The following NOS1AP variants were observed in gnomAD, a reference collection of about 807,000 sequenced individuals.
NOS1AP encodes nitric oxide synthase 1 adaptor protein.
NOS1AP carries 21 observed loss-of-function variants against 56.2 expected under a neutral mutation model. That is an observed-to-expected ratio of 0.37 (90% confidence interval 0.26 to 0.54). The LOEUF (loss-of-function observed/expected upper bound fraction) is 0.54. NOS1AP is among the 20% of genes least tolerant of loss of function. The probability of loss-of-function intolerance (pLI) is 0.84; values close to 1 mark genes in which losing one functional copy is unlikely to be tolerated. For synonymous variants in NOS1AP, 270 were observed against 274.6 expected, an observed-to-expected ratio of 0.98 and a Z score of 0.17; for missense variants, 522 against 657.8, an observed-to-expected ratio of 0.79 and a Z score of 2.26.
chr1:162,297,361 C>A (rs978054207), intron 3 of NOS1AP, among the ~76,000 whole-genome samples: 8 of 152,190 alleles, frequency 5.3e-5, no homozygotes, highest in Admixed American at 5.2e-4. Flanking sequence ...TGCTGATGCC[C>A]CACCAAGTGT....
chr1:162,285,375 G>A (rs1455611998), intron 2 of NOS1AP, among the ~76,000 whole-genome samples: 2 of 152,186 alleles, frequency 1.3e-5, no homozygotes, highest in South Asian at 2.1e-4. Context: ...AAAGTCAGCC[G>A]ACTTGCAGAT....
rs1028563572 is a variant in NOS1AP, at chr1:162,166,935, C to T, written c.177+12459C>T. Reference sequence around the variant, plus strand: ...GGTGGAAGCTCCTCGCCTACTAATGCGGGTGCCCTGTGGCTGAATCTGGTG... The same window carrying T: ...GGTGGAAGCTCCTCGCCTACTAATGTGGGTGCCCTGTGGCTGAATCTGGTG... On this transcript the variant is annotated intron_variant, in intron 2 of 9. Coordinates refer to ENST00000361897, the MANE Select transcript of NOS1AP (RefSeq NM_014697.3). 7.9e-5 allele frequency among the ~76,000 whole-genome samples: 12 copies of T among 152,288 alleles called. No individual in the cohort carries two copies. The South Asian group carries it at 2.1e-3, about 26-fold the overall frequency.
intron 1 of NOS1AP, among the ~76,000 whole-genome samples, chr1:162,112,165 T>C (rs1023184701): frequency 6.6e-6 from 1 of 152,240 alleles, no homozygotes; most frequent in African/African-American, 2.4e-5. Flanking sequence ...ATCACACTTC[T>C]CAGATCTGCC....
chr1:162,291,571 G>A (rs1433076853), intron 3 of NOS1AP, among the ~76,000 whole-genome samples: 1 of 152,032 alleles, frequency 6.6e-6, no homozygotes, highest in Non-Finnish European at 1.5e-5. Flanking sequence ...ATTAATTGTA[G>A]GATTTGTTCA....
intron 2 of NOS1AP, among the ~76,000 whole-genome samples, chr1:162,250,462 T>C (rs951713541): frequency 1.3e-5 from 2 of 152,212 alleles, no homozygotes; most frequent in African/African-American, 4.8e-5. Flanking sequence ...GGCGAATCCA[T>C]TTCATTCATA....
At chr1:162,355,142 T>C (rs776450499) in intron 6 of NOS1AP, 45 bp from the exon 7 acceptor site, 1 of 1,609,252 alleles carries the variant, frequency 6.2e-7, no homozygotes, top group Non-Finnish European at 8.5e-7. Flanking sequence ...GACTTTGTTC[T>C]CGGTGTTTTC....
Position 162,070,101 on chromosome 1 carries a change from G to C in NOS1AP, c.-77G>C. On this transcript the variant is annotated 5_prime_UTR_variant, in exon 1 of 10. Transcript: ENST00000361897. ...CCACGCGTCGCCGCGCCCAGCTCCA[G>C]TCTCCCCTCCCCGGGGTCTCGCCAG... The C allele has an allele frequency of 8.3e-7, 1 of 1,211,970 alleles. No homozygotes were observed. The highest frequency in any genetic ancestry group is 1.2e-6 in the Non-Finnish European group (1 of 822,426). 75.1% of individuals were successfully genotyped at this position (1,211,970 alleles called of 1,614,324 possible). A position where few individuals can be genotyped will look rare whatever the true frequency, so the allele number is the denominator to read the frequency against.
Position 162,187,007 on chromosome 1 carries a change from C to A in NOS1AP, c.177+32531C>A, listed in dbSNP as rs114885200. ...TTTGAGACAGGGTCTCACTTTGTCA[C>A]CCAGGCTGTAGTGGAGTGACCTGAT... On this transcript the variant is annotated intron_variant, in intron 2 of 9. Coordinates refer to ENST00000361897, the MANE Select transcript of NOS1AP (RefSeq NM_014697.3). Among the ~76,000 whole-genome samples the A allele has an allele frequency of 2.4e-3, 359 of 152,162 alleles. 3 individuals are homozygous for A. The highest frequency in any genetic ancestry group is 8.0e-3 in the African/African-American group (334 of 41,492).
intron 2 of NOS1AP, among the ~76,000 whole-genome samples, chr1:162,243,135 T>C (rs1045256809): frequency 3.3e-5 from 5 of 152,148 alleles, no homozygotes; most frequent in African/African-American, 9.7e-5. Flanking sequence ...AGGAGTGATA[T>C]CCTGATTGAA....
At chr1:162,110,035 C>A (rs1442103976) in intron 1 of NOS1AP, among the ~76,000 whole-genome samples, 1 of 152,200 alleles carries the variant, frequency 6.6e-6, no homozygotes, top group Non-Finnish European at 1.5e-5. Flanking sequence ...GAAAAGCCAT[C>A]AACCTAGAGA....
At chr1:162,081,774 A>ATTTTTTTTTTTTTT (rs59767273) in intron 1 of NOS1AP, among the ~76,000 whole-genome samples, 2 of 44,038 alleles carry the variant, frequency 4.5e-5, no homozygotes, top group African/African-American at 7.6e-5. Context: ...ATATATATAT[A>ATTTTTTTTTTTTTT]TTTTTTTTTT....
rs571241804 is a variant in NOS1AP at position 162,176,289 on chromosome 1, G to A, written c.177+21813G>A. Among the ~76,000 whole-genome samples the A allele has an allele frequency of 4.6e-5, 7 of 151,956 alleles. No individual in the cohort carries two copies. In the East Asian group the frequency reaches 1.2e-3, roughly 25 times the overall value. ...CAGTATCATACAGAATAATCTTACTGCCCCAAATAGTCCACTGTGCTTCAT... is the reference window on the plus strand; with the variant it reads ...CAGTATCATACAGAATAATCTTACTACCCCAAATAGTCCACTGTGCTTCAT... On this transcript the variant is annotated intron_variant, in intron 2 of 9. Transcript: ENST00000361897.
At chr1:162,161,082 T>C (rs1650191928) in intron 2 of NOS1AP, among the ~76,000 whole-genome samples, 1 of 152,220 alleles carries the variant, frequency 6.6e-6, no homozygotes, top group South Asian at 2.1e-4. Context: ...TCTCTGACTC[T>C]GACTCTCCTG....
At chr1:162,254,979 C>G (rs1353431270) in intron 2 of NOS1AP, among the ~76,000 whole-genome samples, 1 of 152,182 alleles carries the variant, frequency 6.6e-6, no homozygotes, top group Non-Finnish European at 1.5e-5. Flanking sequence ...TAAAGAGGCT[C>G]TTTGTGGTCC....
intron 2 of NOS1AP, among the ~76,000 whole-genome samples, chr1:162,164,713 T>C (rs1650398446): frequency 6.6e-6 from 1 of 152,240 alleles, no homozygotes; most frequent in Non-Finnish European, 1.5e-5. Context: ...TATGGCTGAA[T>C]AGTATTCCCT....
rs1471432020 is a variant in NOS1AP, at chr1:162,136,775, G to A, written c.106-17630G>A. 7.2e-4 allele frequency among the ~76,000 whole-genome samples: 110 copies of A among 152,212 alleles called. 1 individual carries two copies. The highest frequency in any genetic ancestry group is 5.9e-5 in the Non-Finnish European group (4 of 68,038). On this transcript the variant is annotated intron_variant, in intron 1 of 9. Coordinates refer to ENST00000361897, the MANE Select transcript of NOS1AP (RefSeq NM_014697.3). ...GTTTTTGTGTGTTTGTTTAAAAATT[G>A]CTTCTCAGCTGGCTGTAGTATGAAG...
rs141054665 is a variant in NOS1AP, at chr1:162,229,909, C to T, written c.178-57435C>T. ...GTGACACTTCTTCAGCAACTTTTTT[C>T]ATTACTAATGGTATCCAATACAGAA... On this transcript the variant is annotated intron_variant, in intron 2 of 9. Coordinates refer to ENST00000361897, the MANE Select transcript of NOS1AP (RefSeq NM_014697.3). Among the ~76,000 whole-genome samples the T allele has an allele frequency of 1.4e-4, 21 of 152,056 alleles. 1 individual carries two copies. The East Asian group carries it at 3.9e-3, about 28-fold the overall frequency.
intron 1 of NOS1AP, among the ~76,000 whole-genome samples, chr1:162,150,461 CTTTCTT>C (rs989936242): frequency 6.6e-6 from 1 of 152,122 alleles, no homozygotes; most frequent in Non-Finnish European, 1.5e-5. Flanking sequence ...TACTGATTTC[CTTTCTT>C]TTGGGTATCC....
intron 2 of NOS1AP, among the ~76,000 whole-genome samples, chr1:162,237,019 C>T (rs563552629): frequency 2.5e-4 from 38 of 152,328 alleles, no homozygotes; most frequent in South Asian, 8.3e-4. Flanking sequence ...TGGAATTTAT[C>T]TTGATGATTG....
Sources: gnomAD v4.1 joint callset for allele counts (sites outside exome capture counted in the v4.1 genomes callset) on GRCh38, gnomAD v4.1.1 for gene constraint, MANE v1.5 for transcripts, NCBI Gene and HGNC (gene_info 2026-07-23, HGNC 2026-07-21) for gene names.